GARIN5B: variants seen among roughly 807,000 people sequenced by gnomAD.
The protein encoded by GARIN5B is golgi associated RAB2 interactor family member 5B.
the GARIN5B span, chr19:55,359,133 T>C: frequency 6.4e-7 from 1 of 1,551,150 alleles, no homozygotes; most frequent in Non-Finnish European, 8.7e-7. Flanking sequence ...GACTGGCTTC[T>C]CTCCAGCACG....
At chr19:55,359,858 G>T in the GARIN5B span, 1 of 1,551,518 alleles carries the variant, frequency 6.4e-7, no homozygotes, top group South Asian at 1.2e-5. Context: ...CCACAGGCAC[G>T]GGTCCAGGGA....
chr19:55,358,640 C>A, the GARIN5B span: 1 of 1,551,338 alleles, frequency 6.4e-7, no homozygotes, highest in Non-Finnish European at 8.7e-7. Flanking sequence ...GGACAGCTGG[C>A]CGGGGCGGGA....
the GARIN5B span, chr19:55,362,291 A>G: frequency 1.3e-6 from 2 of 1,548,078 alleles, no homozygotes; most frequent in Admixed American, 2.0e-5. Context: ...CGGCATATCC[A>G]GGGGGGCCGT....
chr19:55,363,165 G>C, the GARIN5B span: 1 of 1,265,260 alleles, frequency 7.9e-7, no homozygotes, highest in East Asian at 3.0e-5. The surrounding 1 kb of genome is among the most constrained non-coding windows in gnomAD (Gnocchi z 4.0). Flanking sequence ...GGGCTTCACG[G>C]GTGCCTGGAG....
chr19:55,355,574 G>A, the GARIN5B span, among the ~76,000 whole-genome samples: 146 of 152,270 alleles, frequency 9.6e-4, no homozygotes, highest in African/African-American at 3.2e-3. Flanking sequence ...GGGCAGACAA[G>A]TAACTGGAAT....
the GARIN5B span, chr19:55,359,782 C>G: frequency 6.4e-7 from 1 of 1,551,406 alleles, no homozygotes; most frequent in Non-Finnish European, 8.7e-7. Context: ...GATAGGGAGC[C>G]AGACCGGAGG....
chr19:55,358,735 G>A, the GARIN5B span: 2 of 1,549,922 alleles, frequency 1.3e-6, no homozygotes, highest in African/African-American at 2.7e-5. Context: ...CGGATTTCGA[G>A]GGCTGCTCTT....
the GARIN5B span, chr19:55,358,728 A>C: frequency 3.2e-6 from 5 of 1,549,880 alleles, no homozygotes; most frequent in South Asian, 1.2e-5. Flanking sequence ...ACCAAAGCGG[A>C]TTTCGAGGGC....
the GARIN5B span, among the ~76,000 whole-genome samples, chr19:55,360,475 T>G: frequency 5.9e-4 from 37 of 63,000 alleles, 1 homozygote; most frequent in African/African-American, 2.2e-3. Context: ...CCCTCAGATC[T>G]AGGAGTCCAG....
At chr19:55,359,858 G>C in the GARIN5B span, 17 of 1,551,400 alleles carry the variant, frequency 1.1e-5, no homozygotes, top group Non-Finnish European at 1.5e-5. Context: ...CCACAGGCAC[G>C]GGTCCAGGGA....
At chr19:55,360,721 G>T in the GARIN5B span, 1 of 1,551,714 alleles carries the variant, frequency 6.4e-7, no homozygotes, top group Non-Finnish European at 8.7e-7. Context: ...CTGGTTGGCG[G>T]TGCTGGAAAT....
the GARIN5B span, chr19:55,360,869 G>A: frequency 2.6e-6 from 4 of 1,547,464 alleles, no homozygotes; most frequent in Non-Finnish European, 3.5e-6. Flanking sequence ...AGCGGATTTG[G>A]GTGTGAGTTC....
chr19:55,361,448 G>A, the GARIN5B span: 323 of 1,483,036 alleles, frequency 2.2e-4, 5 homozygotes, highest in South Asian at 4.2e-3. Context: ...CAGAGATAGA[G>A]GGAGGCAGGA....
At chr19:55,355,189 C>T in the GARIN5B span, 1 of 100,798 alleles carries the variant, frequency 9.9e-6, no homozygotes, top group Non-Finnish European at 2.1e-5. Context: ...CCCGCCCCCC[C>T]CACCCTCCTC....
At chr19:55,357,690 C>T in the GARIN5B span, among the ~76,000 whole-genome samples, 25 of 152,326 alleles carry the variant, frequency 1.6e-4, no homozygotes, top group Non-Finnish European at 2.8e-4. Context: ...ACCACCAGCC[C>T]CATGGTCGGA....
At chr19:55,359,223 T>C in the GARIN5B span, 4 of 1,551,202 alleles carry the variant, frequency 2.6e-6, no homozygotes, top group Non-Finnish European at 3.5e-6. Context: ...CTCAGCGCCA[T>C]CTGGTATTCG....
At chr19:55,359,666 T>C in the GARIN5B span, 1 of 1,551,608 alleles carries the variant, frequency 6.4e-7, no homozygotes, top group Non-Finnish European at 8.7e-7. Context: ...AGATGGGGCC[T>C]TCTGGCAGGG....
the GARIN5B span, chr19:55,355,187 C>A: frequency 9.9e-6 from 1 of 100,968 alleles, no homozygotes; most frequent in South Asian, 5.0e-4. Context: ...TACCCGCCCC[C>A]CCCACCCTCC....
chr19:55,360,604 C>A, the GARIN5B span: 2 of 1,448,778 alleles, frequency 1.4e-6, no homozygotes, highest in East Asian at 5.0e-5. Context: ...AGGTCCCAGC[C>A]TCTCCTCCCT....
Sources: gnomAD v4.1 joint callset for allele counts (sites outside exome capture counted in the v4.1 genomes callset) on GRCh38, gnomAD v4.1.1 for gene constraint, Gnocchi (gnomAD v3.1) non-coding constraint, MANE v1.5 for transcripts, NCBI Gene and HGNC (gene_info 2026-07-23, HGNC 2026-07-21) for gene names.